The following C6 variants were observed in gnomAD, a reference collection of about 807,000 sequenced individuals.
C6 encodes complement component C6.
In C6, 101 loss-of-function variants were observed where a neutral mutation model predicts 112.9. That is an observed-to-expected ratio of 0.89 (90% CI 0.76 to 1.06). The LOEUF (loss-of-function observed/expected upper bound fraction) is 1.06, where lower values mean the gene tolerates loss of function less well. Ranked by LOEUF, C6 falls within the 50% of genes least tolerant of loss-of-function variation. The pLI is 0.00. For missense variants in C6, 1,202 were observed against 1,104.6 expected, an observed-to-expected ratio of 1.09 and a Z score of -1.25; for synonymous variants, 431 against 384.1, an observed-to-expected ratio of 1.12 and a Z score of -1.43.
chr5:41,243,521 AT>A (rs557099403), intron 1 of C6, among the ~76,000 whole-genome samples: 2 of 151,998 alleles, frequency 1.3e-5, no homozygotes, highest in Non-Finnish European at 2.9e-5. Flanking sequence ...TGCTTTACAC[AT>A]TTTTTTTAAA....
At chr5:41,216,458 T>G (rs1752199363), upstream of C6, among the ~76,000 whole-genome samples, 1 of 152,120 alleles carries the variant, frequency 6.6e-6, no homozygotes, top group Admixed American at 6.6e-5. Flanking sequence ...TCATTTGAGA[T>G]TTCATCTACT....
chr5:41,227,908 C>T (rs1469475269), intron 1 of C6, among the ~76,000 whole-genome samples: 4 of 152,078 alleles, frequency 2.6e-5, no homozygotes, highest in Non-Finnish European at 4.4e-5. Context: ...AGTGTGATGC[C>T]TCCAGCTTTG....
At chr5:41,243,204 T>TG (rs1161376037) in intron 1 of C6, among the ~76,000 whole-genome samples, 1 of 152,242 alleles carries the variant, frequency 6.6e-6, no homozygotes, top group Non-Finnish European at 1.5e-5. Context: ...TCAACTAGAT[T>TG]GATTAACTAG....
chr5:41,180,498 T>G (rs1256816505), intron 7 of C6, among the ~76,000 whole-genome samples: 1 of 152,114 alleles, frequency 6.6e-6, no homozygotes, highest in Non-Finnish European at 1.5e-5. Context: ...AAGGAACACA[T>G]GAAGCTGTAG....
intron 7 of C6, among the ~76,000 whole-genome samples, chr5:41,177,634 G>A (rs1748965881): frequency 6.6e-6 from 1 of 152,042 alleles, no homozygotes; most frequent in African/African-American, 2.4e-5. Flanking sequence ...TTTGCTATAA[G>A]TATGGCAAAA....
upstream of C6, among the ~76,000 whole-genome samples, chr5:41,218,091 A>G (rs1738891391): frequency 6.6e-6 from 1 of 152,162 alleles, no homozygotes; most frequent in Admixed American, 6.6e-5. Flanking sequence ...ACCAGGCATT[A>G]TGCTGGGACT....
At chr5:41,233,243 C>T (rs1463153208) in intron 1 of C6, among the ~76,000 whole-genome samples, 1 of 152,082 alleles carries the variant, frequency 6.6e-6, no homozygotes, top group Non-Finnish European at 1.5e-5. Flanking sequence ...GCTCTAACTA[C>T]TCATTCTGGT....
upstream of C6, among the ~76,000 whole-genome samples, chr5:41,217,757 C>A (rs937213418): frequency 1.4e-4 from 22 of 151,938 alleles, no homozygotes; most frequent in African/African-American, 5.1e-4. Flanking sequence ...AGTTTTGCCC[C>A]TTCTAGGATT....
intron 1 of C6, among the ~76,000 whole-genome samples, chr5:41,234,598 C>T (rs1740136000): frequency 6.6e-6 from 1 of 151,960 alleles, no homozygotes; most frequent in Non-Finnish European, 1.5e-5. Context: ...GTAGTTTCTC[C>T]AATTTTATAA....
intron 1 of C6, among the ~76,000 whole-genome samples, chr5:41,228,611 G>T (rs555261048): frequency 6.6e-6 from 1 of 152,230 alleles, no homozygotes; most frequent in African/African-American, 2.4e-5. Flanking sequence ...GGTCTTTACT[G>T]TGTTGAGGTA....
At chr5:41,256,442 GT>G (rs1561210229) in intron 1 of C6, among the ~76,000 whole-genome samples, 4 of 59,150 alleles carry the variant, frequency 6.8e-5, no homozygotes, top group Admixed American at 1.7e-4. Flanking sequence ...AAAAAAAAAA[GT>G]AAAAAAAAAA....
chr5:41,232,038 A>G (rs1187995576), intron 1 of C6, among the ~76,000 whole-genome samples: 1 of 152,044 alleles, frequency 6.6e-6, no homozygotes, highest in Non-Finnish European at 1.5e-5. Context: ...TAAGAATCTC[A>G]AAAGTTTGTT....
At chr5:41,247,113 AG>A (rs1315005226) in intron 1 of C6, among the ~76,000 whole-genome samples, 1 of 152,228 alleles carries the variant, frequency 6.6e-6, no homozygotes, top group Non-Finnish European at 1.5e-5. Context: ...GCACAGTATT[AG>A]GCCTAGATTA....
At position 41,160,221 on chromosome 5, in the gene C6, T is replaced by G. The variant is rs749184304; in HGVS notation, c.1605A>C (p.Ser535=). ...PCPNNGRPTL[S]GTECLCVCQS... ...GACACACACACAGACATTCAGTCCC[T>G]GAGAGGGTGGGTCGGCCATTATTAG... Residue 535 remains serine (S), a synonymous_variant, in exon 11 of 18, where the codon TCA becomes TCC. Transcript: ENST00000337836. 3 of 1,613,772 alleles carry G rather than the reference T, an allele frequency of 1.9e-6. No individual in the cohort carries two copies. Among genetic ancestry groups the G allele is most frequent in the Non-Finnish European group, 2.5e-6 (3 of 1,179,748 alleles).
chr5:41,232,210 C>T (rs1374482824), intron 1 of C6, among the ~76,000 whole-genome samples: 1 of 152,074 alleles, frequency 6.6e-6, no homozygotes, highest in Non-Finnish European at 1.5e-5. Context: ...GAAACAAATA[C>T]TGAGTTTACT....
intron 6 of C6, among the ~76,000 whole-genome samples, chr5:41,183,215 T>C (rs1479770268): frequency 5.3e-5 from 8 of 152,190 alleles, no homozygotes; most frequent in South Asian, 2.1e-4. Flanking sequence ...ATCCAATAGA[T>C]GTAAATAACC....
At chr5:41,229,136 T>G (rs1382942370) in intron 1 of C6, among the ~76,000 whole-genome samples, 1 of 151,926 alleles carries the variant, frequency 6.6e-6, no homozygotes, top group Non-Finnish European at 1.5e-5. Flanking sequence ...AAATCAACTC[T>G]TAATTTTATT....
chr5:41,238,485 G>A (rs547491283), intron 1 of C6, among the ~76,000 whole-genome samples: 15 of 152,262 alleles, frequency 9.9e-5, no homozygotes, highest in East Asian at 5.8e-4. Flanking sequence ...TAACCCAGGC[G>A]AAGAGGAGAA....
chr5:41,159,767 A>G (rs999956405), intron 11 of C6, among the ~76,000 whole-genome samples: 3 of 152,208 alleles, frequency 2.0e-5, no homozygotes, highest in African/African-American at 7.2e-5. Context: ...ATTACAATAC[A>G]TAAGAGGCTT....
Sources: allele counts gnomAD v4.1 joint callset (sites outside exome capture counted in the v4.1 genomes callset), GRCh38; gene constraint gnomAD v4.1.1; transcripts MANE v1.5; gene names NCBI Gene and HGNC (gene_info 2026-07-23, HGNC 2026-07-21).